Variants in SLC10A7 observed in about 807,000 individuals in gnomAD.
SLC10A7 encodes sodium/bile acid cotransporter 7.
SLC10A7 carries 29 observed loss-of-function variants against 43.2 expected under a neutral mutation model. The observed-to-expected ratio is 0.67, with a 90% CI of 0.50 to 0.92. The LOEUF is 0.92. SLC10A7 is among the 40% of genes least tolerant of loss of function. The pLI is 0.00. For synonymous variants in SLC10A7, 152 were observed against 144.8 expected (o/e 1.05, Z -0.35); for missense variants, 295 against 403.2 (o/e 0.73, Z 2.30).
At chr4:146,266,209 G>A (rs1364087001) in intron 10 of SLC10A7, among the ~76,000 whole-genome samples, 1 of 152,190 alleles carries the variant, frequency 6.6e-6, no homozygotes, top group African/African-American at 2.4e-5. Flanking sequence ...CCATCCAAAT[G>A]TCCTAACACT....
At chr4:146,406,353 T>C (rs957018516) in intron 5 of SLC10A7, among the ~76,000 whole-genome samples, 1 of 152,242 alleles carries the variant, frequency 6.6e-6, no homozygotes, top group Non-Finnish European at 1.5e-5. Context: ...CTGTGTTTTT[T>C]AAAATTTTGC....
At chr4:146,356,613 C>T (rs923736416) in intron 5 of SLC10A7, among the ~76,000 whole-genome samples, 2 of 151,838 alleles carry the variant, frequency 1.3e-5, no homozygotes, top group African/African-American at 4.8e-5. Context: ...CTCTCCTCTA[C>T]TTCTTCTTGC....
chr4:146,305,849 C>T (rs1731531849), intron 7 of SLC10A7, 77 bp downstream of exon 7: 2 of 1,275,344 alleles, frequency 1.6e-6, no homozygotes, highest in Non-Finnish European at 2.2e-6. Context: ...TATCCTTTCT[C>T]TCAACTGCTC....
intron 4 of SLC10A7, among the ~76,000 whole-genome samples, chr4:146,445,725 A>T (rs1371606354): frequency 2.0e-5 from 3 of 152,176 alleles, no homozygotes; most frequent in African/African-American, 7.2e-5. Context: ...GAGCGGTGGA[A>T]GTGGCTTTCA....
intron 5 of SLC10A7, among the ~76,000 whole-genome samples, chr4:146,429,138 T>C (rs1189115043): frequency 1.3e-5 from 2 of 152,182 alleles, no homozygotes; most frequent in African/African-American, 2.4e-5. Flanking sequence ...AAATTTCTTA[T>C]GGCTACAGCA....
intron 6 of SLC10A7, among the ~76,000 whole-genome samples, chr4:146,324,082 A>G (rs1732933052): frequency 6.6e-6 from 1 of 152,218 alleles, no homozygotes; most frequent in African/African-American, 2.4e-5. Context: ...AATTGCTTCA[A>G]AGAGAATAAA....
intron 4 of SLC10A7, among the ~76,000 whole-genome samples, chr4:146,487,779 C>A (rs765465964): frequency 3.9e-5 from 6 of 152,110 alleles, no homozygotes; most frequent in Admixed American, 6.5e-5. Flanking sequence ...GATATGGTAG[C>A]TCACATCTGT....
chr4:146,411,214 C>G (rs1728170683), intron 5 of SLC10A7, among the ~76,000 whole-genome samples: 1 of 152,116 alleles, frequency 6.6e-6, no homozygotes, highest in South Asian at 2.1e-4. Context: ...TTGAAGTCAT[C>G]TGAGTTTCCC....
At chr4:146,350,473 C>A (rs892719451) in intron 5 of SLC10A7, among the ~76,000 whole-genome samples, 26 of 141,280 alleles carry the variant, frequency 1.8e-4, no homozygotes, top group Non-Finnish European at 2.8e-4. Context: ...CCGCCATTGC[C>A]CAGGCTTGCT....
chr4:146,378,971 C>T (rs544935870), intron 5 of SLC10A7, among the ~76,000 whole-genome samples: 2 of 152,026 alleles, frequency 1.3e-5, no homozygotes, highest in Non-Finnish European at 2.9e-5. Flanking sequence ...CATAATATAC[C>T]CTTTCCAGGC....
At chr4:146,512,345 G>A (rs1176774772) in intron 2 of SLC10A7, among the ~76,000 whole-genome samples, 5 of 152,170 alleles carry the variant, frequency 3.3e-5, no homozygotes, top group Admixed American at 2.6e-4. Flanking sequence ...ATATATCAAC[G>A]ACTATATAAT....
At chr4:146,493,930 G>A (rs1190356722) in intron 4 of SLC10A7, among the ~76,000 whole-genome samples, 1 of 152,184 alleles carries the variant, frequency 6.6e-6, no homozygotes, top group Non-Finnish European at 1.5e-5. Flanking sequence ...TGTATATACA[G>A]CAAGCTATTG....
intron 5 of SLC10A7, among the ~76,000 whole-genome samples, chr4:146,328,020 C>G (rs1733270701): frequency 6.6e-6 from 1 of 152,168 alleles, no homozygotes; most frequent in African/African-American, 2.4e-5. Flanking sequence ...ATATGGGGGC[C>G]TAGGGAATGA....
chr4:146,366,360 T>G (rs973266660), intron 5 of SLC10A7, among the ~76,000 whole-genome samples: 7 of 152,192 alleles, frequency 4.6e-5, no homozygotes, highest in Non-Finnish European at 7.3e-5. Flanking sequence ...ATATTCATAC[T>G]TAATGAGACA....
chr4:146,438,254 C>G (rs1730345676), intron 5 of SLC10A7, among the ~76,000 whole-genome samples: 1 of 151,830 alleles, frequency 6.6e-6, no homozygotes, highest in South Asian at 2.1e-4. Context: ...GCAAGGAGTT[C>G]CTTTTAATCT....
chr4:146,398,792 A>G (rs1434612975), intron 5 of SLC10A7, among the ~76,000 whole-genome samples: 1 of 152,252 alleles, frequency 6.6e-6, no homozygotes, highest in East Asian at 1.9e-4. Context: ...ACTAGGTATC[A>G]CAGACCAGTG....
At chr4:146,389,577 T>C (rs1259156220) in intron 5 of SLC10A7, among the ~76,000 whole-genome samples, 5 of 152,170 alleles carry the variant, frequency 3.3e-5, no homozygotes, top group Non-Finnish European at 1.5e-5. Flanking sequence ...CTTAATGAGA[T>C]CTATTAACTC....
chr4:146,428,549 C>CTTT (rs11306173), intron 5 of SLC10A7, among the ~76,000 whole-genome samples: 1 of 145,214 alleles, frequency 6.9e-6, no homozygotes, highest in African/African-American at 2.5e-5. Flanking sequence ...CACCTTGGCT[C>CTTT]TTTTTTTTTT....
chr4:146,511,488 G>A (rs1393926413), intron 2 of SLC10A7, among the ~76,000 whole-genome samples: 1 of 152,152 alleles, frequency 6.6e-6, no homozygotes, highest in Non-Finnish European at 1.5e-5. Context: ...AGGGACATTA[G>A]CCAAAGTTTA....
Sources: gnomAD v4.1 joint callset for allele counts (sites outside exome capture counted in the v4.1 genomes callset) on GRCh38, gnomAD v4.1.1 for gene constraint, MANE v1.5 for transcripts, NCBI Gene and HGNC (gene_info 2026-07-23, HGNC 2026-07-21) for gene names.